Variants in FREM3 observed in about 807,000 individuals in gnomAD.
FREM3 encodes the protein FRAS1 related extracellular matrix 3.
Under a neutral mutation model 129.1 loss-of-function variants are expected in FREM3, and 105 were observed. The ratio of observed to expected loss-of-function variants is 0.81; its 90% CI spans 0.69 to 0.96. FREM3 has a LOEUF of 0.96. Ranked by LOEUF, FREM3 falls within the 40% of genes least tolerant of loss-of-function variation. The probability of loss-of-function intolerance (pLI) is 0.00; values close to 1 mark genes in which losing one functional copy is unlikely to be tolerated. For synonymous variants in FREM3, 1,014 were observed against 1,044.9 expected, an observed-to-expected ratio of 0.97 and a Z score of 0.57; for missense variants, 2,593 against 2,666.3, an observed-to-expected ratio of 0.97 and a Z score of 0.61.
At chr4:143,614,274 G>A (rs1160740963) in intron 5 of FREM3, among the ~76,000 whole-genome samples, 2 of 152,280 alleles carry the variant, frequency 1.3e-5, no homozygotes, top group African/African-American at 4.8e-5. Context: ...AACTCTTTGA[G>A]CAGTTATATT....
intron 5 of FREM3, among the ~76,000 whole-genome samples, chr4:143,615,744 A>G (rs1738832499): frequency 6.6e-6 from 1 of 152,142 alleles, no homozygotes; most frequent in Non-Finnish European, 1.5e-5. Context: ...CACAAACAAA[A>G]CAAAATTGAA....
At chr4:143,603,540 TC>T (rs1348186217) in intron 6 of FREM3, among the ~76,000 whole-genome samples, 2 of 152,118 alleles carry the variant, frequency 1.3e-5, no homozygotes, top group Admixed American at 1.3e-4. Context: ...TTCTGTAGCC[TC>T]AGTAGAATGA....
At chr4:143,582,475 G>A (rs1333947280) in intron 7 of FREM3, among the ~76,000 whole-genome samples, 1 of 152,000 alleles carries the variant, frequency 6.6e-6, no homozygotes, top group Non-Finnish European at 1.5e-5. Context: ...CCTGAACAAA[G>A]CCTTGGCCCT....
At chr4:143,604,848 AAAT>A (rs1164908386) in intron 6 of FREM3, among the ~76,000 whole-genome samples, 1 of 152,190 alleles carries the variant, frequency 6.6e-6, no homozygotes, top group Non-Finnish European at 1.5e-5. Flanking sequence ...CAGTAATTAT[AAAT>A]AATGACTTGC....
In FREM3 at chr4:143,697,162, C is replaced by T; in HGVS notation, c.3514G>A (p.Asp1172Asn). The T allele has an allele frequency of 6.5e-7, 1 of 1,537,854 alleles. No homozygotes were observed. The highest frequency in any genetic ancestry group is 8.7e-7 in the Non-Finnish European group (1 of 1,147,034). The stretch of plus-strand genomic sequence containing the variant: ...ACATTTGGGGAGAAGTTGATGCCAT[C>T]AGAGCAATAAAAGGTGAATTGGTCC... ...QEDQFTFYCS[D>N]GINFSPNVFF... Residue 1172 changes from aspartate to asparagine, a missense_variant, in exon 1 of 8, where the codon GAT becomes AAT. Around this residue, in one of 2 missense-constraint regions of FREM3, gnomAD observed 2,276 missense variants for 2,267.2 expected, o/e 1.00. Coordinates refer to ENST00000329798, the MANE Select transcript of FREM3 (RefSeq NM_001168235.2).
chr4:143,695,566 C>G lies in FREM3; in HGVS notation c.5110G>C (p.Val1704Leu). 2.6e-6 allele frequency: 4 copies of G among 1,537,386 alleles called. No homozygotes were observed. The highest frequency in any genetic ancestry group is 3.5e-6 in the Non-Finnish European group (4 of 1,146,942). ...AAGCCATGCTCTGGTCCTCTGGTCACTTTATACTTCAGAAGCCTGTGGGGA... is the reference window on the plus strand; with the variant it reads ...AAGCCATGCTCTGGTCCTCTGGTCAGTTTATACTTCAGAAGCCTGTGGGGA... ...DSPHRLLKYK[V>L]TRGPEHGFII... Residue 1704 changes from valine to leucine, a missense_variant, in exon 1 of 8, where the codon GTG (valine) becomes CTG (leucine). Coordinates refer to ENST00000329798, the MANE Select transcript of FREM3 (RefSeq NM_001168235.2).
chr4:143,698,782 T>G lies in FREM3; in HGVS notation c.1894A>C (p.Met632Leu). ...LSTEDEDWHYMEKEGLYEKVV... is the reference protein window; with the variant it reads ...LSTEDEDWHYLEKEGLYEKVV... Reference sequence around the variant, plus strand: ...TTCTCATAAAGCCCTTCCTTTTCCATGTAGTGCCAGTCTTCATCTTCAGTT... The same window carrying G: ...TTCTCATAAAGCCCTTCCTTTTCCAGGTAGTGCCAGTCTTCATCTTCAGTT... Residue 632 changes from methionine to leucine, a missense_variant, in exon 1 of 8, where the codon ATG becomes CTG. Physicochemically the swap from Met to Leu is conservative, Grantham distance 15. Around this residue, in one of 2 missense-constraint regions of FREM3, gnomAD observed 2,276 missense variants for 2,267.2 expected, o/e 1.00. Transcript: ENST00000329798. The G allele has an allele frequency of 6.5e-7, 1 of 1,537,628 alleles. No individual in the cohort carries two copies. The highest frequency in any genetic ancestry group is 8.7e-7 in the Non-Finnish European group (1 of 1,146,998).
chr4:143,592,855 C>G (rs1738391659), intron 6 of FREM3, among the ~76,000 whole-genome samples: 2 of 152,128 alleles, frequency 1.3e-5, no homozygotes, highest in African/African-American at 4.8e-5. Flanking sequence ...GTTCCATTCT[C>G]CCCGTCACTT....
chr4:143,610,083 C>T (rs537851892), intron 6 of FREM3, among the ~76,000 whole-genome samples: 48 of 152,190 alleles, frequency 3.2e-4, no homozygotes, highest in African/African-American at 1.1e-3. Context: ...AAGTACATGA[C>T]GAAGAAAGCA....
intron 5 of FREM3, among the ~76,000 whole-genome samples, chr4:143,619,202 A>G (rs1738905803): frequency 6.6e-6 from 1 of 152,134 alleles, no homozygotes; most frequent in Non-Finnish European, 1.5e-5. Flanking sequence ...TTTTGTGCAT[A>G]TGTGTCCTAT....
At chr4:143,603,240 G>A (rs1560841242) in intron 6 of FREM3, among the ~76,000 whole-genome samples, 1 of 152,148 alleles carries the variant, frequency 6.6e-6, no homozygotes, top group Admixed American at 6.6e-5. Flanking sequence ...ATGAGCCAAG[G>A]AACTGCTTCT....
Position 143,585,490 on chromosome 4 carries a change from G to A in FREM3, c.6178+354C>T, listed in dbSNP as rs1342543104. On this transcript the variant is annotated intron_variant, in intron 7 of 7. Transcript: ENST00000329798. The surrounding 1 kb of genome is among the most constrained non-coding windows in gnomAD (Gnocchi z 4.2). ...ACACTTCAAAGGTCTAATATGTGACGAGATTCTTCCACGAGTTGGGACTTG... is the reference window on the plus strand; with the variant it reads ...ACACTTCAAAGGTCTAATATGTGACAAGATTCTTCCACGAGTTGGGACTTG... 6.6e-6 allele frequency among the ~76,000 whole-genome samples: 1 copy of A among 152,178 alleles called. No homozygotes were observed. Among genetic ancestry groups the A allele is most frequent in the Admixed American group, 6.5e-5 (1 of 15,280 alleles).
At position 143,698,792 on chromosome 4, in the gene FREM3, G is replaced by A. The variant is rs1403124412; in HGVS notation, c.1884C>T (p.Asp628=). The change falls in exon 1 of 8, where the codon GAC becomes GAT. Residue 628 remains aspartate, a synonymous_variant. Coordinates refer to ENST00000329798, the MANE Select transcript of FREM3 (RefSeq NM_001168235.2). ...AELPLSTEDE[D]WHYMEKEGLY... is the part of the protein sequence containing the mutation. ...GCCCTTCCTTTTCCATGTAGTGCCA[G>A]TCTTCATCTTCAGTTGAGAGAGGTA... is the stretch of plus-strand genomic sequence containing the variant. 1 of 1,537,568 alleles carries A rather than the reference G, an allele frequency of 6.5e-7. No individual in the cohort carries two copies. Among genetic ancestry groups the A allele is most frequent in the Non-Finnish European group, 8.7e-7 (1 of 1,147,034 alleles).
rs556042866 is a variant in FREM3 at position 143,697,033 on chromosome 4, G to C, written c.3643C>G (p.Leu1215Val). 2 of 1,537,584 alleles carry C rather than the reference G, an allele frequency of 1.3e-6. No individual in the cohort carries two copies. The highest frequency in any genetic ancestry group is 1.4e-5 in the African/African-American group (1 of 73,172). The part of the protein sequence containing the change: ...EGMSLVIDTQ[L>V]LNGADADLPP... ...AGGTCAGCATCTGCTCCATTAAGCA[G>C]CTGGGTGTCTATGACCAGGCTCATC... The change falls in exon 1 of 8, where the codon CTG (leucine) becomes GTG (valine). Residue 1215 changes from leucine to valine, a missense_variant. Leu to Val is a conservative substitution (Grantham distance 32). This residue lies in a region of FREM3 where 2,276 missense variants were observed against 2,267.2 expected (regional missense o/e 1.00). Coordinates refer to ENST00000329798, the MANE Select transcript of FREM3 (RefSeq NM_001168235.2).
rs1197403340 is a variant in FREM3, at chr4:143,577,523, C to A, written c.*88G>T. The A allele has an allele frequency of 1.6e-6, 2 of 1,261,120 alleles. No homozygotes were observed. Among genetic ancestry groups the A allele is most frequent in the Non-Finnish European group, 2.2e-6 (2 of 930,162 alleles). The allele number at this position is 1,261,120 out of a possible 1,614,324, so 78.1% of individuals were successfully genotyped here. On this transcript the variant is annotated 3_prime_UTR_variant, in exon 8 of 8. Coordinates refer to ENST00000329798, the MANE Select transcript of FREM3 (RefSeq NM_001168235.2). Reference sequence around the variant, plus strand: ...AATGACAGTACAATATCACTGATATCCCAGAATTGCTAAGATCTATAAACA... The same window carrying A: ...AATGACAGTACAATATCACTGATATACCAGAATTGCTAAGATCTATAAACA...
chr4:143,693,323 ATTGAGTGAACATG>A, intron 1 of FREM3, 121 bp from the exon 2 acceptor site: 1 of 443,638 alleles, frequency 2.3e-6, no homozygotes, highest in Non-Finnish European at 3.9e-6. Flanking sequence ...TAAAATAGTG[ATTGAGTGAACATG>A]AATCTTCTTA....
chr4:143,695,347 G>T, intron 1 of FREM3, 144 bp downstream of exon 1: 1 of 656,074 alleles, frequency 1.5e-6, no homozygotes, highest in Non-Finnish European at 2.4e-6. Flanking sequence ...TTTTGTTTTT[G>T]GAATAGTTTC....
intron 5 of FREM3, among the ~76,000 whole-genome samples, chr4:143,616,699 C>T (rs761298864): frequency 1.3e-5 from 2 of 151,314 alleles, no homozygotes; most frequent in Non-Finnish European, 2.9e-5. Context: ...AGGCTGAGGC[C>T]GGAGAATGGC....
intron 2 of FREM3, among the ~76,000 whole-genome samples, chr4:143,644,032 A>C (rs1739369719): frequency 6.6e-6 from 1 of 152,168 alleles, no homozygotes; most frequent in Non-Finnish European, 1.5e-5. Context: ...CTGTTTTATG[A>C]ATTATGCTGC....
Sources: allele counts gnomAD v4.1 joint callset (sites outside exome capture counted in the v4.1 genomes callset), GRCh38; gene constraint gnomAD v4.1.1; regional missense constraint gnomAD v4.1.1; non-coding constraint Gnocchi (gnomAD v3.1); transcripts MANE v1.5; gene names NCBI Gene and HGNC (gene_info 2026-07-23, HGNC 2026-07-21).